ZCCHC7: variants seen among roughly 807,000 people sequenced by gnomAD.
ZCCHC7 encodes the protein zinc finger CCHC-type containing 7.
In ZCCHC7, 35 loss-of-function variants were observed where a neutral mutation model predicts 52.0. That is an observed-to-expected ratio of 0.67 (90% CI 0.51 to 0.89). ZCCHC7 has a LOEUF of 0.89. Ranked by LOEUF, ZCCHC7 falls within the 40% of genes least tolerant of loss-of-function variation. The pLI, the probability that ZCCHC7 is intolerant of heterozygous loss-of-function variation, is 0.00. For missense variants in ZCCHC7, 574 were observed against 649.1 expected, an observed-to-expected ratio of 0.88 and a Z score of 1.26; for synonymous variants, 217 against 221.5, an observed-to-expected ratio of 0.98 and a Z score of 0.18.
intron 2 of ZCCHC7, among the ~76,000 whole-genome samples, chr9:37,208,009 G>C (rs1190897797): frequency 6.6e-6 from 1 of 152,078 alleles, no homozygotes; most frequent in African/African-American, 2.4e-5. Flanking sequence ...CCTCCTTTCT[G>C]TGTTAGTGGT....
At chr9:37,140,880 G>A (rs1279015666) in intron 2 of ZCCHC7, among the ~76,000 whole-genome samples, 1 of 151,972 alleles carries the variant, frequency 6.6e-6, no homozygotes, top group Non-Finnish European at 1.5e-5. Flanking sequence ...AAACATAGAA[G>A]GAGATAGGTT....
At chr9:37,289,130 T>C (rs1588618927) in intron 2 of ZCCHC7, among the ~76,000 whole-genome samples, 1 of 152,154 alleles carries the variant, frequency 6.6e-6, no homozygotes, top group East Asian at 1.9e-4. Flanking sequence ...GTAGTCATCT[T>C]TTACTGTGTT....
At chr9:37,160,952 A>G (rs1821067056) in intron 2 of ZCCHC7, among the ~76,000 whole-genome samples, 1 of 143,562 alleles carries the variant, frequency 7.0e-6, no homozygotes, top group Admixed American at 7.0e-5. Context: ...GGGCTCAATA[A>G]TTTTTTTTTT....
At chr9:37,170,995 T>C (rs1821697792) in intron 2 of ZCCHC7, among the ~76,000 whole-genome samples, 1 of 152,192 alleles carries the variant, frequency 6.6e-6, no homozygotes, top group Admixed American at 6.5e-5. Flanking sequence ...AGAAAAAAGC[T>C]CACAGATTGC....
rs555075234 is a variant in ZCCHC7, at chr9:37,354,892, T to A, written c.1198+68T>A. ...TCTAAATTTCTTTGTTTGTACTGTC[T>A]TTGCCTGCTTTGGGGGTCATTGGTT... On this transcript the variant is annotated intron_variant, in intron 8 of 8. Coordinates refer to ENST00000336755, the MANE Select transcript of ZCCHC7 (RefSeq NM_032226.3). This position sits in a 1 kb window ranked among gnomAD's most constrained non-coding sequence, Gnocchi z 4.0. 23 of 1,011,242 alleles carry A rather than the reference T, an allele frequency of 2.3e-5. No homozygotes were observed. In the Admixed American group the frequency reaches 3.4e-4, roughly 15 times the overall value. 62.6% of individuals were successfully genotyped at this position (1,011,242 alleles called of 1,614,324 possible).
At chr9:37,309,461 T>A (rs148857153) in intron 5 of ZCCHC7, among the ~76,000 whole-genome samples, 23 of 152,326 alleles carry the variant, frequency 1.5e-4, no homozygotes, top group Admixed American at 7.8e-4. Flanking sequence ...ATGGCTGCTT[T>A]TAAGTCATTA....
intron 2 of ZCCHC7, chr9:37,284,438 T>C (rs2133586819): frequency 6.6e-6 from 1 of 152,340 alleles, no homozygotes; most frequent in East Asian, 1.9e-4. Context: ...CCTAATTACA[T>C]TTGATCAATA....
chr9:37,181,327 A>T (rs1262415531), intron 2 of ZCCHC7, among the ~76,000 whole-genome samples: 1 of 152,186 alleles, frequency 6.6e-6, no homozygotes, highest in Non-Finnish European at 1.5e-5. Context: ...ACTACTTCAA[A>T]TTGTTTCATC....
chr9:37,342,518 A>G (rs1251886469), intron 6 of ZCCHC7, among the ~76,000 whole-genome samples: 1 of 152,234 alleles, frequency 6.6e-6, no homozygotes, highest in Non-Finnish European at 1.5e-5. Flanking sequence ...AAAGCAGTCT[A>G]AGGACTGAGC....
chr9:37,152,384 A>G (rs928205857), intron 2 of ZCCHC7, among the ~76,000 whole-genome samples: 5 of 152,154 alleles, frequency 3.3e-5, no homozygotes, highest in African/African-American at 4.8e-5. Context: ...TAATGCATCA[A>G]TATTAACGAC....
At chr9:37,338,666 G>T (rs145389212) in intron 6 of ZCCHC7, among the ~76,000 whole-genome samples, 1 of 152,048 alleles carries the variant, frequency 6.6e-6, no homozygotes, top group Non-Finnish European at 1.5e-5. Context: ...TTACTCTCAG[G>T]TAAACCATGA....
At chr9:37,336,453 A>T (rs1031773485) in intron 6 of ZCCHC7, among the ~76,000 whole-genome samples, 1 of 152,122 alleles carries the variant, frequency 6.6e-6, no homozygotes, top group African/African-American at 2.4e-5. Context: ...TTTGTGATCG[A>T]TGGTTAAGAG....
At chr9:37,303,915 G>C (rs559878076) in intron 3 of ZCCHC7, among the ~76,000 whole-genome samples, 1 of 151,604 alleles carries the variant, frequency 6.6e-6, no homozygotes, top group Non-Finnish European at 1.5e-5. Context: ...CGCCCACCTC[G>C]GCCTCCGAAA....
intron 5 of ZCCHC7, among the ~76,000 whole-genome samples, chr9:37,306,127 G>A (rs1829292173): frequency 6.6e-6 from 1 of 151,952 alleles, no homozygotes; most frequent in Non-Finnish European, 1.5e-5. Context: ...GAGTGCGGTG[G>A]TGCAATCTCG....
chr9:37,269,154 G>C (rs1827264095), intron 2 of ZCCHC7, among the ~76,000 whole-genome samples: 1 of 152,152 alleles, frequency 6.6e-6, no homozygotes, highest in African/African-American at 2.4e-5. Context: ...GTGTGAGAGA[G>C]AGCATGTAGG....
intron 2 of ZCCHC7, among the ~76,000 whole-genome samples, chr9:37,237,675 TTCTTG>T (rs1216291372): frequency 6.6e-6 from 1 of 152,226 alleles, no homozygotes; most frequent in Non-Finnish European, 1.5e-5. Context: ...TAAGGCATAG[TTCTTG>T]TCTTCAAAGT....
chr9:37,153,796 C>T (rs747368428), intron 2 of ZCCHC7, among the ~76,000 whole-genome samples: 4 of 151,972 alleles, frequency 2.6e-5, no homozygotes, highest in Non-Finnish European at 4.4e-5. Flanking sequence ...GTCCTGGTTT[C>T]TTTAATTGGA....
chr9:37,307,035 T>A (rs1588645898), intron 5 of ZCCHC7, among the ~76,000 whole-genome samples: 2 of 148,318 alleles, frequency 1.3e-5, no homozygotes, highest in Admixed American at 1.3e-4. Context: ...ATCCACCCAT[T>A]TCAGCCTCCC....
chr9:37,340,677 A>G (rs1375651532), intron 6 of ZCCHC7, among the ~76,000 whole-genome samples: 1 of 152,194 alleles, frequency 6.6e-6, no homozygotes, highest in African/African-American at 2.4e-5. Flanking sequence ...ATTGAGTCAC[A>G]AATTTATATT....
Sources: gnomAD v4.1 joint callset for allele counts (sites outside exome capture counted in the v4.1 genomes callset) on GRCh38, gnomAD v4.1.1 for gene constraint, Gnocchi (gnomAD v3.1) non-coding constraint, MANE v1.5 for transcripts, NCBI Gene and HGNC (gene_info 2026-07-23, HGNC 2026-07-21) for gene names.